Variants in LARGE1 observed in about 807,000 individuals in gnomAD.
The protein encoded by LARGE1 is xylosyl- and glucuronyltransferase LARGE1.
LARGE1 carries 43 observed loss-of-function variants against 87.6 expected under a neutral mutation model. The ratio of observed to expected loss-of-function variants is 0.49; its 90% CI spans 0.38 to 0.63. The LOEUF is 0.63. LARGE1 is among the 30% of genes least tolerant of loss of function. LARGE1 has a pLI of 0.00. For missense variants in LARGE1, 802 were observed against 1,000.2 expected (o/e 0.80, Z 2.67); for synonymous variants, 434 against 394.6 (o/e 1.10, Z -1.18).
chr22:33,544,776 G>GT (rs2077308714), intron 6 of LARGE1, among the ~76,000 whole-genome samples: 1 of 152,124 alleles, frequency 6.6e-6, no homozygotes, highest in Non-Finnish European at 1.5e-5. Flanking sequence ...GTTCTGATTG[G>GT]TTCAGCTTGG....
At chr22:33,814,269 G>C (rs976078203) in intron 1 of LARGE1, among the ~76,000 whole-genome samples, 1 of 152,056 alleles carries the variant, frequency 6.6e-6, no homozygotes. Flanking sequence ...CTAAAGCTAA[G>C]ACACTGAGCA....
At chr22:33,251,166 A>G (rs1926994409) in intron 11 of LARGE1, among the ~76,000 whole-genome samples, 1 of 152,158 alleles carries the variant, frequency 6.6e-6, no homozygotes, top group Non-Finnish European at 1.5e-5. Flanking sequence ...GCCTTATTTG[A>G]TATCCTAGAG....
intron 2 of LARGE1, among the ~76,000 whole-genome samples, chr22:33,760,045 A>G (rs996755642): frequency 5.3e-5 from 8 of 152,320 alleles, no homozygotes; most frequent in African/African-American, 1.9e-4. Flanking sequence ...CTCAAGGCAA[A>G]TCTCAGAAAG....
intron 1 of LARGE1, among the ~76,000 whole-genome samples, chr22:33,817,840 G>A (rs1265830500): frequency 1.3e-5 from 2 of 152,062 alleles, no homozygotes; most frequent in African/African-American, 4.8e-5. Context: ...ATATTATCAA[G>A]GGGGTCAGCG....
At chr22:33,805,360 G>A (rs2086275099) in intron 1 of LARGE1, among the ~76,000 whole-genome samples, 1 of 152,070 alleles carries the variant, frequency 6.6e-6, no homozygotes, top group Non-Finnish European at 1.5e-5. Flanking sequence ...TAACCAAAGA[G>A]ATCTTTTAGA....
chr22:33,680,139 AAC>A (rs1455342825), intron 2 of LARGE1, among the ~76,000 whole-genome samples: 1 of 152,230 alleles, frequency 6.6e-6, no homozygotes, highest in Non-Finnish European at 1.5e-5. Flanking sequence ...TCCAGTTTTA[AAC>A]ACAGAGTTCC....
At chr22:33,105,147 G>T in the LARGE1 span, among the ~76,000 whole-genome samples, 1 of 150,342 alleles carries the variant, frequency 6.7e-6, no homozygotes, top group African/African-American at 2.4e-5. Context: ...ACAGGTGTGT[G>T]CCACCAAGCC....
chr22:33,269,419 T>C (rs1405253342), downstream of LARGE1, among the ~76,000 whole-genome samples: 2 of 152,234 alleles, frequency 1.3e-5, no homozygotes, highest in Non-Finnish European at 2.9e-5. Flanking sequence ...CCTGGTTCAC[T>C]GTTGCATTCA....
At chr22:33,238,125 C>T (rs1926343806) in intron 11 of LARGE1, among the ~76,000 whole-genome samples, 1 of 152,116 alleles carries the variant, frequency 6.6e-6, no homozygotes, top group Non-Finnish European at 1.5e-5. Flanking sequence ...ACCAAAAAAG[C>T]TGTTTAGAGT....
chr22:33,627,522 A>G (rs2079960966), intron 3 of LARGE1, among the ~76,000 whole-genome samples: 1 of 152,200 alleles, frequency 6.6e-6, no homozygotes, highest in African/African-American at 2.4e-5. Flanking sequence ...TTTCTTTTCC[A>G]GAACTCCTCA....
At chr22:33,891,140 T>C (rs961781123) in intron 1 of LARGE1, among the ~76,000 whole-genome samples, 1 of 152,146 alleles carries the variant, frequency 6.6e-6, no homozygotes, top group Admixed American at 6.5e-5. Flanking sequence ...AGACCCCTCA[T>C]TTGAGAGTCA....
intron 4 of LARGE1, among the ~76,000 whole-genome samples, chr22:33,618,973 CT>C (rs2079659665): frequency 6.6e-6 from 1 of 152,202 alleles, no homozygotes; most frequent in African/African-American, 2.4e-5. Context: ...TCAGCATGCA[CT>C]TCCTATTCTG....
intron 6 of LARGE1, among the ~76,000 whole-genome samples, chr22:33,532,390 C>G (rs866360148): frequency 6.6e-6 from 1 of 152,214 alleles, no homozygotes; most frequent in South Asian, 2.1e-4. Flanking sequence ...TCTGTACCTG[C>G]AGCAGGGAAA....
At chr22:33,089,371 C>CTTCTTCTTCTTCTCCTCCTT in the LARGE1 span, among the ~76,000 whole-genome samples, 3 of 76,046 alleles carry the variant, frequency 3.9e-5, no homozygotes, top group Admixed American at 1.3e-4. Context: ...TTCTTCTTCT[C>CTTCTTCTTCTTCTCCTCCTT]CTTCTTCTTC....
intron 11 of LARGE1, among the ~76,000 whole-genome samples, chr22:33,178,786 G>T (rs1474794152): frequency 6.6e-6 from 1 of 152,086 alleles, no homozygotes; most frequent in Non-Finnish European, 1.5e-5. Context: ...GTTTATATTT[G>T]AACACTCAAC....
At chr22:33,334,410 AAAAAAAAAAAAAC>A (rs1317311342) in intron 10 of LARGE1, among the ~76,000 whole-genome samples, 3 of 82,344 alleles carry the variant, frequency 3.6e-5, no homozygotes, top group East Asian at 2.6e-4. Flanking sequence ...ACTCTGTCTC[AAAAAAAAAAAAAC>A]AAAAAAAAAA....
At chr22:33,134,830 T>A in the LARGE1 span, among the ~76,000 whole-genome samples, 29 of 152,206 alleles carry the variant, frequency 1.9e-4, no homozygotes, top group African/African-American at 6.8e-4. Context: ...TCAGCCTGAA[T>A]CATAGATCCA....
At chr22:33,689,980 T>A (rs995543408) in intron 2 of LARGE1, among the ~76,000 whole-genome samples, 1 of 152,120 alleles carries the variant, frequency 6.6e-6, no homozygotes, top group African/African-American at 2.4e-5. Flanking sequence ...TAGATACTTA[T>A]AATGTACATC....
intron 1 of LARGE1, among the ~76,000 whole-genome samples, chr22:33,917,391 T>G (rs985199257): frequency 1.3e-5 from 2 of 152,230 alleles, no homozygotes; most frequent in African/African-American, 4.8e-5. Context: ...CTGTGGACAT[T>G]AATGATTTCA....
Sources: gnomAD v4.1 joint callset for allele counts (sites outside exome capture counted in the v4.1 genomes callset) on GRCh38, gnomAD v4.1.1 for gene constraint, MANE v1.5 for transcripts, NCBI Gene and HGNC (gene_info 2026-07-23, HGNC 2026-07-21) for gene names.